DYNC2I2: variants seen among roughly 807,000 people sequenced by gnomAD.
DYNC2I2 encodes the protein dynein 2 intermediate chain 2.
Under a neutral mutation model 52.0 loss-of-function variants are expected in DYNC2I2, and 39 were observed. The observed-to-expected ratio is 0.75, with a 90% CI of 0.58 to 0.98. The LOEUF is 0.98. DYNC2I2 is among the 50% of genes least tolerant of loss of function. DYNC2I2 has a pLI of 0.00. For missense variants in DYNC2I2, 743 were observed against 728.4 expected (o/e 1.02, Z -0.23); for synonymous variants, 359 against 321.1 (o/e 1.12, Z -1.26).
At chr9:128,661,320 A>C (rs1049491122), upstream of DYNC2I2, among the ~76,000 whole-genome samples, 6 of 150,748 alleles carry the variant, frequency 4.0e-5, no homozygotes, top group Admixed American at 6.6e-5. Context: ...AAAAAAAAAA[A>C]AAACAAAAAG....
At chr9:128,660,027 A>G (rs1486334771), upstream of DYNC2I2, among the ~76,000 whole-genome samples, 1 of 149,578 alleles carries the variant, frequency 6.7e-6, no homozygotes, top group African/African-American at 2.5e-5. Context: ...TGATTGCGCC[A>G]CTGTCTTCCA....
chr9:128,652,680 G>A (rs1476874205), intron 1 of DYNC2I2, among the ~76,000 whole-genome samples: 1 of 150,464 alleles, frequency 6.6e-6, no homozygotes, highest in Non-Finnish European at 1.5e-5. Context: ...AGCACTTTGG[G>A]AGGCCCAGGC....
At chr9:128,664,092 G>A in the DYNC2I2 span, among the ~76,000 whole-genome samples, 3 of 151,664 alleles carry the variant, frequency 2.0e-5, no homozygotes, top group Non-Finnish European at 4.4e-5. Context: ...CGAATAGCTG[G>A]GATTACAGGT....
chr9:128,637,743 G>A (rs1446571365), intron 2 of DYNC2I2, among the ~76,000 whole-genome samples: 1 of 152,134 alleles, frequency 6.6e-6, no homozygotes, highest in Non-Finnish European at 1.5e-5. Flanking sequence ...GTGCCTGGCT[G>A]CCCACGATTT....
chr9:128,683,838 G>T, the DYNC2I2 span: 1 of 1,435,778 alleles, frequency 7.0e-7, no homozygotes, highest in Non-Finnish European at 9.5e-7. Flanking sequence ...TCAGTGTTCA[G>T]CCTGCTTCCG....
At chr9:128,674,810 C>A in the DYNC2I2 span, among the ~76,000 whole-genome samples, 6 of 152,150 alleles carry the variant, frequency 3.9e-5, no homozygotes, top group Non-Finnish European at 7.3e-5. Flanking sequence ...AACTCCTGGA[C>A]TCAAGTGATC....
At position 128,643,946 on chromosome 9, in the gene DYNC2I2, C is replaced by G. The variant is rs143614556; in HGVS notation, c.187-3007G>C. On this transcript the variant is annotated intron_variant, in intron 1 of 8. Coordinates refer to ENST00000372715, the MANE Select transcript of DYNC2I2 (RefSeq NM_052844.4). ...AGACATGTGACTTGAAGCCCCAGAG[C>G]TGGAGGAGGCTGCTGAGGGACTACA... Among the ~76,000 whole-genome samples the G allele has an allele frequency of 3.7e-3, 561 of 152,216 alleles. 3 individuals are homozygous for G. The highest frequency in any genetic ancestry group is 0.012 in the African/African-American group (500 of 41,540).
At chr9:128,663,214 C>G in the DYNC2I2 span, 1 of 152,040 alleles carries the variant, frequency 6.6e-6, no homozygotes, top group Non-Finnish European at 1.5e-5. Flanking sequence ...AGAGGGGGAG[C>G]CCCAGGCTGG....
chr9:128,674,631 T>C, the DYNC2I2 span, among the ~76,000 whole-genome samples: 12 of 152,086 alleles, frequency 7.9e-5, no homozygotes, highest in African/African-American at 2.9e-4. Context: ...TAATCTCAGC[T>C]ACTTGGGAGG....
upstream of DYNC2I2, among the ~76,000 whole-genome samples, chr9:128,661,498 A>G (rs1221723744): frequency 6.6e-6 from 1 of 151,782 alleles, no homozygotes; most frequent in Non-Finnish European, 1.5e-5. Context: ...GGTGCCTGTT[A>G]TCTCAGCTAC....
At chr9:128,642,326 C>T (rs913009219) in intron 1 of DYNC2I2, among the ~76,000 whole-genome samples, 3 of 146,906 alleles carry the variant, frequency 2.0e-5, no homozygotes, top group African/African-American at 7.5e-5. Flanking sequence ...TGTGGTGGCG[C>T]GTGCCTGTAA....
At chr9:128,655,254 C>CT in intron 1 of DYNC2I2, among the ~76,000 whole-genome samples, 1 of 147,778 alleles carries the variant, frequency 6.8e-6, no homozygotes. Flanking sequence ...AATCCCAGCA[C>CT]TTTGGGAGGC....
the DYNC2I2 span, among the ~76,000 whole-genome samples, chr9:128,672,736 C>A: frequency 6.6e-6 from 1 of 152,010 alleles, no homozygotes; most frequent in East Asian, 1.9e-4. Flanking sequence ...TGTTAAAAAC[C>A]CTTTTTATTG....
At chr9:128,684,012 G>C in the DYNC2I2 span, 2 of 1,537,184 alleles carry the variant, frequency 1.3e-6, no homozygotes, top group Non-Finnish European at 1.8e-6. Context: ...AGGGAGGTAC[G>C]TTTCTGCGCT....
At chr9:128,675,281 G>T in the DYNC2I2 span, among the ~76,000 whole-genome samples, 1 of 152,140 alleles carries the variant, frequency 6.6e-6, no homozygotes, top group East Asian at 1.9e-4. Context: ...GGGTTCCAGC[G>T]ATTCTCCTGC....
Position 128,640,886 on chromosome 9 carries a change from C to T in DYNC2I2, c.240G>A (p.Arg80=). 6.2e-7 allele frequency: 1 copy of T among 1,612,696 alleles called. No homozygotes were observed. Reference sequence around the variant, plus strand: ...TCTGCACCTGGGCGTCCACATGATTCCTGGCCTGGGCGGATGCACTGGCAG... The same window carrying T: ...TCTGCACCTGGGCGTCCACATGATTTCTGGCCTGGGCGGATGCACTGGCAG... ...IATASASAQA[R]NHVDAQVQTE... Residue 80 remains arginine, a synonymous_variant, in exon 2 of 9, where the codon AGG becomes AGA. Transcript: ENST00000372715.
intron 1 of DYNC2I2, among the ~76,000 whole-genome samples, chr9:128,648,381 T>C (rs1589435071): frequency 6.6e-6 from 1 of 152,184 alleles, no homozygotes; most frequent in East Asian, 1.9e-4. Flanking sequence ...CACTCCAGCC[T>C]GGGCAACAGA....
At chr9:128,642,053 C>T (rs374938136) in intron 1 of DYNC2I2, among the ~76,000 whole-genome samples, 1 of 151,800 alleles carries the variant, frequency 6.6e-6, no homozygotes, top group South Asian at 2.1e-4. Flanking sequence ...TTTGGGAGGC[C>T]GAGGCGGGCG....
At chr9:128,656,017 G>A (rs1860815642) in intron 1 of DYNC2I2, among the ~76,000 whole-genome samples, 1 of 151,796 alleles carries the variant, frequency 6.6e-6, no homozygotes, top group Non-Finnish European at 1.5e-5. Flanking sequence ...AGACCAGCCA[G>A]GGCAACACAT....
Sources: gnomAD v4.1 joint callset for allele counts (sites outside exome capture counted in the v4.1 genomes callset) on GRCh38, gnomAD v4.1.1 for gene constraint, MANE v1.5 for transcripts, NCBI Gene and HGNC (gene_info 2026-07-23, HGNC 2026-07-21) for gene names.